MCOLN2: variants seen among roughly 807,000 people sequenced by gnomAD.
The protein encoded by MCOLN2 is mucolipin-2.
MCOLN2 carries 57 observed loss-of-function variants against 67.5 expected under a neutral mutation model. That is an observed-to-expected ratio of 0.84 (90% CI 0.68 to 1.05). MCOLN2 has a LOEUF of 1.05. Among genes scored for constraint, MCOLN2 ranks in the 50% least tolerant of loss-of-function variants. MCOLN2 has a pLI of 0.00. For missense variants in MCOLN2, 620 were observed against 678.8 expected, an observed-to-expected ratio of 0.91 and a Z score of 0.96; for synonymous variants, 246 against 233.3, an observed-to-expected ratio of 1.05 and a Z score of -0.50.
chr1:84,985,089 C>T (rs983610435), intron 1 of MCOLN2, among the ~76,000 whole-genome samples: 4 of 151,034 alleles, frequency 2.6e-5, no homozygotes, highest in Non-Finnish European at 4.4e-5. Flanking sequence ...GTCATATTAT[C>T]AAAATGAGGA....
intron 1 of MCOLN2, among the ~76,000 whole-genome samples, chr1:84,993,925 C>T (rs750050649): frequency 5.9e-5 from 9 of 152,074 alleles, no homozygotes; most frequent in East Asian, 1.9e-4. Flanking sequence ...CCACCGCGCC[C>T]GGCCAAATAA....
At chr1:84,994,572 T>C (rs1330531957) in intron 1 of MCOLN2, among the ~76,000 whole-genome samples, 1 of 152,240 alleles carries the variant, frequency 6.6e-6, no homozygotes, top group Non-Finnish European at 1.5e-5. Context: ...AACCAACCTC[T>C]GCTAGCTTGA....
At chr1:84,987,514 ATG>A (rs1314121763) in intron 1 of MCOLN2, among the ~76,000 whole-genome samples, 21,476 of 54,606 alleles carry the variant, frequency 0.39, 5,151 homozygotes, top group South Asian at 0.51. Context: ...ATGTATACAT[ATG>A]TATATATGTA....
chr1:84,977,685 G>A (rs994619815), intron 1 of MCOLN2, among the ~76,000 whole-genome samples: 6 of 152,022 alleles, frequency 3.9e-5, no homozygotes, highest in Non-Finnish European at 8.8e-5. Flanking sequence ...TCAGCAAGAG[G>A]ATATAAGAAT....
intron 2 of MCOLN2, among the ~76,000 whole-genome samples, chr1:84,964,824 G>A (rs1649290832): frequency 6.6e-6 from 1 of 152,122 alleles, no homozygotes; most frequent in Admixed American, 6.5e-5. Context: ...TGCCACCACT[G>A]ATCTGACAGG....
At chr1:84,968,828 C>T (rs1489832753) in intron 1 of MCOLN2, among the ~76,000 whole-genome samples, 3 of 152,222 alleles carry the variant, frequency 2.0e-5, no homozygotes, top group Non-Finnish European at 2.9e-5. Flanking sequence ...GGTCACAAGA[C>T]TCCCATTTCA....
In MCOLN2 at chr1:84,963,507, T is replaced by C. The variant is rs530290309; in HGVS notation, c.237+2042A>G. 4.6e-5 allele frequency among the ~76,000 whole-genome samples: 7 copies of C among 152,198 alleles called. No homozygotes were observed. In the East Asian group the frequency reaches 1.4e-3, roughly 29 times the overall value. On this transcript the variant is annotated intron_variant, in intron 2 of 13. Coordinates refer to ENST00000370608, the MANE Select transcript of MCOLN2 (RefSeq NM_153259.4). ...GGTAAATCCAAGATGGTGATATGGT[T>C]TATATTTGTGTCCCTGGCCAAATCT...
chr1:84,972,065 C>T (rs150442562), intron 1 of MCOLN2: 1 of 152,092 alleles, frequency 6.6e-6, no homozygotes, highest in Admixed American at 6.5e-5. Context: ...ACAACAAAAA[C>T]AAACAAACAA....
chr1:84,996,347 T>C (rs1571063785), intron 1 of MCOLN2, among the ~76,000 whole-genome samples: 1 of 147,796 alleles, frequency 6.8e-6, no homozygotes, highest in African/African-American at 2.5e-5. Flanking sequence ...TTCCCACAAG[T>C]ACCGTTCAAC....
chr1:84,953,692 T>C (rs947329151), intron 4 of MCOLN2, among the ~76,000 whole-genome samples: 2 of 149,850 alleles, frequency 1.3e-5, no homozygotes, highest in Non-Finnish European at 3.0e-5. Flanking sequence ...ACACAGGTTG[T>C]ATTCAAGTAA....
intron 2 of MCOLN2, among the ~76,000 whole-genome samples, chr1:84,959,487 G>T (rs1002689838): frequency 6.6e-6 from 1 of 152,114 alleles, no homozygotes; most frequent in Non-Finnish European, 1.5e-5. Context: ...AAATTAGTCA[G>T]CACCAAAAGT....
At chr1:84,931,623 G>A (rs924210162) in intron 11 of MCOLN2, 55 bp from the exon 12 acceptor site, 7 of 1,415,324 alleles carry the variant, frequency 4.9e-6, no homozygotes, top group African/African-American at 1.4e-5. Context: ...AAAAGCAGAG[G>A]ATATCTAGTT....
intron 4 of MCOLN2, among the ~76,000 whole-genome samples, chr1:84,953,832 C>T (rs1004252319): frequency 9.2e-5 from 14 of 152,138 alleles, no homozygotes; most frequent in African/African-American, 3.1e-4. Flanking sequence ...AAGACAAGCA[C>T]CTTTCAGGGT....
At chr1:84,932,204 G>C (rs1180619037) in intron 11 of MCOLN2, among the ~76,000 whole-genome samples, 1 of 152,010 alleles carries the variant, frequency 6.6e-6, no homozygotes, top group Non-Finnish European at 1.5e-5. Context: ...TACACTTAGA[G>C]AGCATTTGTA....
Position 84,931,614 on chromosome 1 carries a change from A to G in MCOLN2, c.1336-46T>C, listed in dbSNP as rs1478771420. ...TAGTTTCTGAAATAGAGTATTCTAA[A>G]AAGCAGAGGATATCTAGTTAGCTTG... On this transcript the variant is annotated intron_variant, in intron 11 of 13. Coordinates refer to ENST00000370608, the MANE Select transcript of MCOLN2 (RefSeq NM_153259.4). 3.4e-6 allele frequency: 5 copies of G among 1,473,594 alleles called. No homozygotes were observed. The African/African-American group carries it at 4.2e-5, about 12-fold the overall frequency. The allele number at this position is 1,473,594 out of a possible 1,614,324, so 91.3% of individuals were successfully genotyped here.
intron 7 of MCOLN2, among the ~76,000 whole-genome samples, chr1:84,943,404 G>A (rs551978046): frequency 3.9e-5 from 6 of 152,214 alleles, no homozygotes; most frequent in Admixed American, 6.5e-5. Context: ...GAAGGACAGC[G>A]TCGGGGATGG....
chr1:84,965,738 A>G (rs780049875), intron 1 of MCOLN2, 30 bp from the exon 2 acceptor site: 2 of 1,604,678 alleles, frequency 1.2e-6, no homozygotes, highest in Non-Finnish European at 1.7e-6. Context: ...TTAAATATCC[A>G]GGAAAGCCTC....
At chr1:84,988,265 T>C (rs1287850713) in intron 1 of MCOLN2, among the ~76,000 whole-genome samples, 1 of 152,062 alleles carries the variant, frequency 6.6e-6, no homozygotes, top group African/African-American at 2.4e-5. Flanking sequence ...TTGCACAGGC[T>C]GGTCTTGAAC....
intron 1 of MCOLN2, among the ~76,000 whole-genome samples, chr1:84,968,995 T>C (rs907669857): frequency 5.9e-5 from 9 of 152,282 alleles, no homozygotes; most frequent in South Asian, 2.1e-4. Flanking sequence ...TTGTCAATCA[T>C]ACCTATCCAA....
Sources: allele counts gnomAD v4.1 joint callset (sites outside exome capture counted in the v4.1 genomes callset), GRCh38; gene constraint gnomAD v4.1.1; transcripts MANE v1.5; gene names NCBI Gene and HGNC (gene_info 2026-07-23, HGNC 2026-07-21).